The following NOPCHAP1 variants were observed in gnomAD, a reference collection of about 807,000 sequenced individuals.
NOPCHAP1 encodes the protein NOP protein chaperone 1.
NOPCHAP1 carries 13 observed loss-of-function variants against 14.0 expected under a neutral mutation model. That is an observed-to-expected ratio of 0.93 (90% CI 0.60 to 1.47). NOPCHAP1 has a LOEUF of 1.47. Ranked by LOEUF, NOPCHAP1 falls within the 40% of genes most tolerant of loss-of-function variation. The probability of loss-of-function intolerance (pLI) is 0.00; values close to 1 mark genes in which losing one functional copy is unlikely to be tolerated. For missense variants in NOPCHAP1, 230 were observed against 226.9 expected (o/e 1.01, Z -0.09); for synonymous variants, 78 against 78.4 (o/e 1.00, Z 0.03).
At chr12:104,986,654 C>G (rs542739234) in intron 1 of NOPCHAP1, among the ~76,000 whole-genome samples, 187 bp downstream of exon 1, 1 of 152,258 alleles carries the variant, frequency 6.6e-6, no homozygotes, top group Non-Finnish European at 1.5e-5. Context: ...GGCGGGCACC[C>G]GGCTGCGGGC....
rs551105045 is a variant in NOPCHAP1, at chr12:105,015,820, A to C, written c.*21124A>C. 6.6e-6 allele frequency: 1 copy of C among 152,346 alleles called. No individual in the cohort carries two copies. Among genetic ancestry groups the C allele is most frequent in the South Asian group, 2.1e-4 (1 of 4,828 alleles). 9.4% of individuals were successfully genotyped at this position (152,346 alleles called of 1,614,324 possible). On this transcript the variant is annotated 3_prime_UTR_variant, in exon 4 of 4. Coordinates refer to ENST00000552951, the MANE Select transcript of NOPCHAP1 (RefSeq NM_152318.3). ...ATCTGGTAAAATGGATGAATTATTC[A>C]TAAATAATGTCAGAACCAGCTATTT...
chr12:104,989,340 T>C (rs1274016160), intron 2 of NOPCHAP1, among the ~76,000 whole-genome samples: 5 of 152,350 alleles, frequency 3.3e-5, no homozygotes, highest in Admixed American at 6.5e-5. Context: ...CCTTTGTGTG[T>C]CTGAGAAAGT....
chr12:104,987,568 G>A (rs535098152), intron 1 of NOPCHAP1, among the ~76,000 whole-genome samples: 11 of 152,280 alleles, frequency 7.2e-5, no homozygotes, highest in Non-Finnish European at 1.3e-4. Flanking sequence ...AATAGGGTGT[G>A]CAAAGCCTTG....
rs892501625 is a variant in NOPCHAP1, at chr12:105,011,836, G to C, written c.*17140G>C. On this transcript the variant is annotated 3_prime_UTR_variant, in exon 4 of 4. Coordinates refer to ENST00000552951, the MANE Select transcript of NOPCHAP1 (RefSeq NM_152318.3). Reference sequence around the variant, plus strand: ...ATTGGCCCCCACTCTCTTCTGGCTTGTAGGGTTTCTTCAGAGAGATCCACT... The same window carrying C: ...ATTGGCCCCCACTCTCTTCTGGCTTCTAGGGTTTCTTCAGAGAGATCCACT... The C allele has an allele frequency of 1.3e-5, 2 of 152,194 alleles. No homozygotes were observed. Among genetic ancestry groups the C allele is most frequent in the African/African-American group, 2.4e-5 (1 of 41,442 alleles). 9.4% of individuals were successfully genotyped at this position (152,194 alleles called of 1,614,324 possible).
Position 104,988,183 on chromosome 12 carries a change from G to C in NOPCHAP1, c.132G>C (p.Leu44Phe). 6.2e-7 allele frequency: 1 copy of C among 1,612,018 alleles called. No homozygotes were observed. Among genetic ancestry groups the C allele is most frequent in the South Asian group, 1.1e-5 (1 of 90,762 alleles). Residue 44 changes from leucine (L) to phenylalanine (F), a missense_variant, in exon 2 of 4, where the codon TTG becomes TTC. Physicochemically the swap from Leu to Phe is conservative, Grantham distance 22. Transcript: ENST00000552951. ...SDGRGGIWDR[L>F]LINSQPKSRK... ...TATTTTCAGGTATATGGGACAGGTT[G>C]CTCATCAACTCCCAACCTAAGTCCA... is the stretch of plus-strand genomic sequence containing the variant.
chr12:104,995,605 A>G lies in NOPCHAP1; in HGVS notation c.*909A>G, dbSNP rs545554335. The G allele has an allele frequency of 6.6e-6, 1 of 152,230 alleles. No individual in the cohort carries two copies. The highest frequency in any genetic ancestry group is 2.4e-5 in the African/African-American group (1 of 41,506). 9.4% of individuals were successfully genotyped at this position (152,230 alleles called of 1,614,324 possible). ...TATCTGTGCATTAGTTTTAAATTCC[A>G]TATGACTAGCACCCAACCACTACAA... On this transcript the variant is annotated 3_prime_UTR_variant, in exon 4 of 4. Coordinates refer to ENST00000552951, the MANE Select transcript of NOPCHAP1 (RefSeq NM_152318.3).
chr12:105,000,670 A>T lies in NOPCHAP1; in HGVS notation c.*5974A>T, dbSNP rs1247198076. On this transcript the variant is annotated 3_prime_UTR_variant, in exon 4 of 4. Coordinates refer to ENST00000552951, the MANE Select transcript of NOPCHAP1 (RefSeq NM_152318.3). The stretch of plus-strand genomic sequence containing the variant: ...GCAGTGTGGATGGTAAGAATTTGGT[A>T]TGGTCCCTTCCATAGGGGTTTGAGG... 1 of 152,016 alleles carries T rather than the reference A, an allele frequency of 6.6e-6. No homozygotes were observed. The highest frequency in any genetic ancestry group is 1.5e-5 in the Non-Finnish European group (1 of 67,986). The allele number at this position is 152,016 out of a possible 1,614,324, so 9.4% of individuals were successfully genotyped here. A position where few individuals can be genotyped will look rare whatever the true frequency, so the allele number is the denominator to read the frequency against.
At position 104,996,263 on chromosome 12, in the gene NOPCHAP1, C is replaced by G. The variant is rs1873499884; in HGVS notation, c.*1567C>G. 6.6e-6 allele frequency: 1 copy of G among 152,118 alleles called. No homozygotes were observed. Among genetic ancestry groups the G allele is most frequent in the Non-Finnish European group, 1.5e-5 (1 of 68,018 alleles). The allele number at this position is 152,118 out of a possible 1,614,324, so 9.4% of individuals were successfully genotyped here. A position where few individuals can be genotyped will look rare whatever the true frequency, so the allele number is the denominator to read the frequency against. ...TTGAGCATCAGTCAGTTCAGTTCAT[C>G]CACTGGTACATCTGCATAGCTCCTG... On this transcript the variant is annotated 3_prime_UTR_variant, in exon 4 of 4. Transcript: ENST00000552951.
Position 105,003,977 on chromosome 12 carries a change from G to A in NOPCHAP1, c.*9281G>A, listed in dbSNP as rs1873660707. 6.6e-6 allele frequency: 1 copy of A among 152,198 alleles called. No individual in the cohort carries two copies. Among genetic ancestry groups the A allele is most frequent in the Admixed American group, 6.5e-5 (1 of 15,286 alleles). 9.4% of individuals were successfully genotyped at this position (152,198 alleles called of 1,614,324 possible). ...GTTAGGTTTTGGTTTGTTTATTACT[G>A]AGGTAGATTGCAGTTTGTTATATAG... On this transcript the variant is annotated 3_prime_UTR_variant, in exon 4 of 4. Coordinates refer to ENST00000552951, the MANE Select transcript of NOPCHAP1 (RefSeq NM_152318.3).
rs1439548519 is a variant in NOPCHAP1 at position 104,988,267 on chromosome 12, C to T, written c.202+14C>T. The T allele has an allele frequency of 4.8e-5, 76 of 1,581,290 alleles. 5 individuals are homozygous for T. The South Asian group carries it at 8.3e-4, about 17-fold the overall frequency. ...AGAGGAGTCCCTGTAAGTACCTCTT[C>T]CCCTCTCTCACCCTCTCTAATGCTG... On this transcript the variant is annotated intron_variant, in intron 2 of 3. Coordinates refer to ENST00000552951, the MANE Select transcript of NOPCHAP1 (RefSeq NM_152318.3).
In NOPCHAP1 at chr12:105,012,171, TG is replaced by T. The variant is rs1873841931; in HGVS notation, c.*17477del. ...TCTTTTCACATAGTCTCATATTTCT[TG>T]GACGCTTTGTTCCTTTTCATTCTTT... On this transcript the variant is annotated 3_prime_UTR_variant, in exon 4 of 4. Transcript: ENST00000552951. 6.6e-6 allele frequency: 1 copy of T among 152,244 alleles called. No individual in the cohort carries two copies. The highest frequency in any genetic ancestry group is 6.5e-5 in the Admixed American group (1 of 15,290). 9.4% of individuals were successfully genotyped at this position (152,244 alleles called of 1,614,324 possible). A position where few individuals can be genotyped will look rare whatever the true frequency, so the allele number is the denominator to read the frequency against.
rs1873557684 is a variant in NOPCHAP1, at chr12:104,999,095, C to G, written c.*4399C>G. The G allele has an allele frequency of 6.6e-6, 1 of 152,524 alleles. No homozygotes were observed. Among genetic ancestry groups the G allele is most frequent in the South Asian group, 2.1e-4 (1 of 4,848 alleles). 9.4% of individuals were successfully genotyped at this position (152,524 alleles called of 1,614,324 possible). On this transcript the variant is annotated 3_prime_UTR_variant, in exon 4 of 4. Transcript: ENST00000552951. Reference sequence around the variant, plus strand: ...TCCGTACCTGCAGATACTCCAGTGGCAGTGGCAGCATGGTGGTCGGGTGCA... The same window carrying G: ...TCCGTACCTGCAGATACTCCAGTGGGAGTGGCAGCATGGTGGTCGGGTGCA...
chr12:104,990,248 G>A (rs1241206292), intron 2 of NOPCHAP1, among the ~76,000 whole-genome samples: 4 of 152,126 alleles, frequency 2.6e-5, no homozygotes, highest in East Asian at 1.9e-4. Context: ...AGAGTACCAC[G>A]GAATTATTTG....
chr12:104,994,818 T>C lies in NOPCHAP1; in HGVS notation c.*122T>C, dbSNP rs955401786. 1.8e-5 allele frequency: 15 copies of C among 838,450 alleles called. No homozygotes were observed. Among genetic ancestry groups the C allele is most frequent in the Non-Finnish European group, 2.6e-5 (14 of 529,012 alleles). The allele number at this position is 838,450 out of a possible 1,614,324, so 51.9% of individuals were successfully genotyped here. A position where few individuals can be genotyped will look rare whatever the true frequency, so the allele number is the denominator to read the frequency against. On this transcript the variant is annotated 3_prime_UTR_variant, in exon 4 of 4. Coordinates refer to ENST00000552951, the MANE Select transcript of NOPCHAP1 (RefSeq NM_152318.3). The stretch of plus-strand genomic sequence containing the variant: ...TGGTGCTTTTATATGTTAAAAACTT[T>C]AGACAAGTTAAATTTGACAGAGTTT...
Position 105,008,009 on chromosome 12 carries a change from T to C in NOPCHAP1, c.*13313T>C, listed in dbSNP as rs1008420000. On this transcript the variant is annotated 3_prime_UTR_variant, in exon 4 of 4. Coordinates refer to ENST00000552951, the MANE Select transcript of NOPCHAP1 (RefSeq NM_152318.3). Reference sequence around the variant, plus strand: ...AGAATGATTTATAATCCTTTGGATATATACCCAGTAATGGGATTGCTGGGT... The same window carrying C: ...AGAATGATTTATAATCCTTTGGATACATACCCAGTAATGGGATTGCTGGGT... 1 of 152,260 alleles carries C rather than the reference T, an allele frequency of 6.6e-6. No homozygotes were observed. Among genetic ancestry groups the C allele is most frequent in the Non-Finnish European group, 1.5e-5 (1 of 68,046 alleles). 9.4% of individuals were successfully genotyped at this position (152,260 alleles called of 1,614,324 possible). A position where few individuals can be genotyped will look rare whatever the true frequency, so the allele number is the denominator to read the frequency against.
At chr12:104,990,381 A>T (rs1254963566) in intron 2 of NOPCHAP1, among the ~76,000 whole-genome samples, 2 of 152,244 alleles carry the variant, frequency 1.3e-5, no homozygotes, top group Non-Finnish European at 2.9e-5. Context: ...AAATCTGAGG[A>T]CAGAGAAATA....
Position 105,004,105 on chromosome 12 carries a change from A to C in NOPCHAP1, c.*9409A>C, listed in dbSNP as rs1031634165. ...TTTGTTTCTCAGAGAAACCAGAGCT[A>C]GTTTTTAAAGAGTTGGGATATATAG... On this transcript the variant is annotated 3_prime_UTR_variant, in exon 4 of 4. Coordinates refer to ENST00000552951, the MANE Select transcript of NOPCHAP1 (RefSeq NM_152318.3). 2.0e-5 allele frequency: 3 copies of C among 152,198 alleles called. No individual in the cohort carries two copies. Among genetic ancestry groups the C allele is most frequent in the Non-Finnish European group, 4.4e-5 (3 of 68,028 alleles). 9.4% of individuals were successfully genotyped at this position (152,198 alleles called of 1,614,324 possible). A position where few individuals can be genotyped will look rare whatever the true frequency, so the allele number is the denominator to read the frequency against.
rs1361938230 is a variant in NOPCHAP1, at chr12:105,007,702, T to G, written c.*13006T>G. 1 of 138,094 alleles carries G rather than the reference T, an allele frequency of 7.2e-6. No homozygotes were observed. Among genetic ancestry groups the G allele is most frequent in the Non-Finnish European group, 1.5e-5 (1 of 64,992 alleles). 8.6% of individuals were successfully genotyped at this position (138,094 alleles called of 1,614,324 possible). ...CCCCAGTGTGTGATGTTCCCCTCCC[T>G]GTGTCCATGTGTTCTCATTGTTCAA... On this transcript the variant is annotated 3_prime_UTR_variant, in exon 4 of 4. Transcript: ENST00000552951.
chr12:105,010,641 CT>C lies in NOPCHAP1; in HGVS notation c.*15948del, dbSNP rs1472345986. ...GCTATAAATTTCCCTCTAAACACTG[CT>C]TTAGCTGTGTCCCAGAGATTCTGGT... On this transcript the variant is annotated 3_prime_UTR_variant, in exon 4 of 4. Coordinates refer to ENST00000552951, the MANE Select transcript of NOPCHAP1 (RefSeq NM_152318.3). 1 of 152,160 alleles carries C rather than the reference CT, an allele frequency of 6.6e-6. No homozygotes were observed. Among genetic ancestry groups the C allele is most frequent in the African/African-American group, 2.4e-5 (1 of 41,442 alleles). 9.4% of individuals were successfully genotyped at this position (152,160 alleles called of 1,614,324 possible).
Sources: allele counts gnomAD v4.1 joint callset (sites outside exome capture counted in the v4.1 genomes callset), GRCh38; gene constraint gnomAD v4.1.1; transcripts MANE v1.5; gene names NCBI Gene and HGNC (gene_info 2026-07-23, HGNC 2026-07-21).